TMEM72: variants seen among roughly 807,000 people sequenced by gnomAD.
The protein encoded by TMEM72 is kidney-specific secretory protein of 37 kDa.
In TMEM72, 9 loss-of-function variants were observed where a neutral mutation model predicts 16.3. The ratio of observed to expected loss-of-function variants is 0.55; its 90% CI spans 0.33 to 0.96. The LOEUF (loss-of-function observed/expected upper bound fraction) is 0.96. TMEM72 is among the 40% of genes least tolerant of loss of function. TMEM72 has a pLI of 0.03. For synonymous variants in TMEM72, 160 were observed against 146.5 expected (o/e 1.09, Z -0.66); for missense variants, 324 against 337.8 (o/e 0.96, Z 0.32).
In TMEM72 at chr10:44,934,759, C is replaced by G; in HGVS notation, c.453C>G (p.Asp151Glu). The change falls in exon 5 of 5, where the codon GAC becomes GAG. Residue 151 changes from aspartate to glutamate, a missense_variant. Asp to Glu is a conservative substitution (Grantham distance 45). Transcript: ENST00000389583. ...TGGCCTCCCCAGAGCAGTACACAGA[C>G]CCCTCTAGCAGCGCTGTGAGCACCA... ...EVLASPEQYT[D>E]PSSSAVSTTG... The G allele has an allele frequency of 6.2e-7, 1 of 1,613,596 alleles. No individual in the cohort carries two copies. Among genetic ancestry groups the G allele is most frequent in the Non-Finnish European group, 8.5e-7 (1 of 1,179,988 alleles).
chr10:44,925,387 C>A (rs148973054), intron 1 of TMEM72, among the ~76,000 whole-genome samples: 1 of 152,238 alleles, frequency 6.6e-6, no homozygotes, highest in African/African-American at 2.4e-5. Flanking sequence ...TGCCACAAGC[C>A]CCCTGCAAAT....
intron 1 of TMEM72, among the ~76,000 whole-genome samples, chr10:44,925,328 G>C (rs1220658615): frequency 1.3e-5 from 2 of 152,232 alleles, no homozygotes; most frequent in Non-Finnish European, 2.9e-5. Flanking sequence ...GTGCAGGTCA[G>C]GGAAGAAGCT....
intron 1 of TMEM72, among the ~76,000 whole-genome samples, chr10:44,917,691 A>C (rs564424919): frequency 7.2e-5 from 11 of 152,280 alleles, no homozygotes; most frequent in Admixed American, 5.9e-4. Context: ...GAAGGGGCTC[A>C]GGAAACCCCC....
At chr10:44,917,950 C>G (rs1840036463) in intron 1 of TMEM72, among the ~76,000 whole-genome samples, 2 of 152,268 alleles carry the variant, frequency 1.3e-5, no homozygotes, top group African/African-American at 4.8e-5. Context: ...ATGCCCAAGA[C>G]TGGGCAATTT....
intron 1 of TMEM72, among the ~76,000 whole-genome samples, chr10:44,914,430 C>T (rs1564432038): frequency 6.6e-6 from 1 of 152,222 alleles, no homozygotes. Flanking sequence ...GGTTGGGGGG[C>T]AGGCGCCCAT....
chr10:44,915,808 C>T (rs1408809003), intron 1 of TMEM72, among the ~76,000 whole-genome samples: 1 of 152,096 alleles, frequency 6.6e-6, no homozygotes, highest in Non-Finnish European at 1.5e-5. Context: ...TCAAGATTGC[C>T]ACACATGCTT....
At chr10:44,932,616 C>A (rs1032096745) in intron 3 of TMEM72, among the ~76,000 whole-genome samples, 8 of 152,288 alleles carry the variant, frequency 5.3e-5, no homozygotes, top group African/African-American at 1.9e-4. Context: ...CCGAGGACTG[C>A]GGCTCTCAGA....
At chr10:44,918,617 T>C (rs1196121195) in intron 1 of TMEM72, among the ~76,000 whole-genome samples, 1 of 152,208 alleles carries the variant, frequency 6.6e-6, no homozygotes, top group African/African-American at 2.4e-5. Flanking sequence ...GAATGATATA[T>C]CATAATCAAG....
At chr10:44,924,799 G>T (rs1210191783) in intron 1 of TMEM72, among the ~76,000 whole-genome samples, 1 of 152,174 alleles carries the variant, frequency 6.6e-6, no homozygotes, top group African/African-American at 2.4e-5. Context: ...CATACTCCTG[G>T]CTCCCCACAC....
chr10:44,929,438 G>A (rs759191183), intron 2 of TMEM72, among the ~76,000 whole-genome samples: 1 of 152,116 alleles, frequency 6.6e-6, no homozygotes, highest in Non-Finnish European at 1.5e-5. Context: ...TGCCTACAGG[G>A]TCCACCAGGC....
chr10:44,928,039 C>G, intron 2 of TMEM72, 52 bp downstream of exon 2: 3 of 1,587,904 alleles, frequency 1.9e-6, no homozygotes, highest in African/African-American at 1.3e-5. Flanking sequence ...GCTCAACTCA[C>G]CCTACATCTG....
At chr10:44,927,262 G>A (rs545039612) in intron 1 of TMEM72, among the ~76,000 whole-genome samples, 1 of 152,294 alleles carries the variant, frequency 6.6e-6, no homozygotes, top group Non-Finnish European at 1.5e-5. Flanking sequence ...AAATCCTTGT[G>A]AGGAGAGCAC....
At position 44,936,524 on chromosome 10, in the gene TMEM72, C is replaced by G. The variant is rs1244557289; in HGVS notation, c.*1390C>G. ...TCCTGATAAGCAGATAAGCAGAGCT[C>G]TTCCTGCAGTAGCCCAGGTCTCACC... On this transcript the variant is annotated 3_prime_UTR_variant, in exon 5 of 5. Coordinates refer to ENST00000389583, the MANE Select transcript of TMEM72 (RefSeq NM_001123376.3). 6.6e-6 allele frequency: 1 copy of G among 152,248 alleles called. No individual in the cohort carries two copies. The highest frequency in any genetic ancestry group is 1.5e-5 in the Non-Finnish European group (1 of 68,048). The allele number at this position is 152,248 out of a possible 1,614,324, so 9.4% of individuals were successfully genotyped here. A position where few individuals can be genotyped will look rare whatever the true frequency, so the allele number is the denominator to read the frequency against.
chr10:44,918,652 G>T (rs747416937), intron 1 of TMEM72, among the ~76,000 whole-genome samples: 89 of 152,136 alleles, frequency 5.9e-4, no homozygotes, highest in Non-Finnish European at 1.1e-3. Flanking sequence ...GAAATGCAAG[G>T]TTGTTTTAAT....
At chr10:44,913,173 A>G (rs912742102) in intron 1 of TMEM72, among the ~76,000 whole-genome samples, 6 of 152,140 alleles carry the variant, frequency 3.9e-5, no homozygotes, top group African/African-American at 1.4e-4. Flanking sequence ...CAAAAAAGCC[A>G]TCCTGGGGAG....
rs116008784 is a variant in TMEM72, at chr10:44,934,880, G to A, written c.574G>A (p.Gly192Arg). Residue 192 changes from glycine (G) to arginine (R), a missense_variant, in exon 5 of 5, where the codon GGG becomes AGG. Transcript: ENST00000389583. ...CATCCACATGAAGAGTATCCTGAAG[G>A]GGACTAAGAAGCCCAGTGCCCTCCA... ...LFIHMKSILK[G>R]TKKPSALQPP... 3,968 of 1,613,398 alleles carry A rather than the reference G, an allele frequency of 2.5e-3. 101 individuals carry two copies. The African/African-American group carries it at 0.047, about 19-fold the overall frequency.
chr10:44,915,920 G>A (rs1840007165), intron 1 of TMEM72, among the ~76,000 whole-genome samples: 1 of 152,050 alleles, frequency 6.6e-6, no homozygotes, highest in South Asian at 2.1e-4. Context: ...ATCACAGTAG[G>A]GCTTGCCTTG....
intron 1 of TMEM72, among the ~76,000 whole-genome samples, chr10:44,920,965 AGT>A (rs1491417035): frequency 6.6e-6 from 1 of 152,140 alleles, no homozygotes; most frequent in Middle Eastern, 3.2e-3. Context: ...ATACTCACAC[AGT>A]GGCTGCCCTG....
At chr10:44,926,262 C>T (rs1431224899) in intron 1 of TMEM72, among the ~76,000 whole-genome samples, 1 of 152,212 alleles carries the variant, frequency 6.6e-6, no homozygotes, top group Non-Finnish European at 1.5e-5. Context: ...TGCACGCACG[C>T]AGGCTGGAAA....
Sources: gnomAD v4.1 joint callset for allele counts (sites outside exome capture counted in the v4.1 genomes callset) on GRCh38, gnomAD v4.1.1 for gene constraint, MANE v1.5 for transcripts, NCBI Gene and HGNC (gene_info 2026-07-23, HGNC 2026-07-21) for gene names.